Variants in TPM4 observed in about 807,000 individuals in gnomAD.
TPM4 encodes tropomyosin 4, also known as tropomyosin alpha-4 chain.
TPM4 carries 17 observed loss-of-function variants against 35.8 expected under a neutral mutation model. The observed-to-expected ratio is 0.47, with a 90% CI of 0.32 to 0.71. TPM4 has a LOEUF of 0.71. Ranked by LOEUF, TPM4 falls within the 30% of genes least tolerant of loss-of-function variation. The pLI is 0.03. For missense variants in TPM4, 240 were observed against 320.9 expected (o/e 0.75, Z 1.93); for synonymous variants, 120 against 122.9 (o/e 0.98, Z 0.15).
At position 16,081,397 on chromosome 19, in the gene TPM4, C is replaced by CT. The variant is rs374854830; in HGVS notation, c.133-499dup. ...TACCCATCTTGTACTGGGACACTCG[C>CT]TTTTTTTTTTTTTTTTTGAGACGGA... is the stretch of plus-strand genomic sequence containing the variant. On this transcript the variant is annotated intron_variant, in intron 1 of 7. Transcript: ENST00000643579. 1,301 of 136,448 alleles carry CT rather than the reference C, an allele frequency of 9.5e-3. 26 individuals are homozygous for CT. The highest frequency in any genetic ancestry group is 0.03 in the Middle Eastern group (8 of 270). 8.5% of individuals were successfully genotyped at this position (136,448 alleles called of 1,614,324 possible).
intron 5 of TPM4, among the ~76,000 whole-genome samples, chr19:16,091,775 T>C (rs1289487553): frequency 6.6e-6 from 1 of 151,998 alleles, no homozygotes; most frequent in Non-Finnish European, 1.5e-5. Context: ...ACTTGATCAC[T>C]TAATAGCCAT....
intron 5 of TPM4, 114 bp downstream of exon 5, chr19:16,089,234 C>A: frequency 1.4e-6 from 2 of 1,379,474 alleles, no homozygotes; most frequent in Non-Finnish European, 1.0e-6. Context: ...TTAACAGTAG[C>A]GTTGGTGCCT....
At position 16,082,241 on chromosome 19, in the gene TPM4, G is replaced by T. The variant is rs112237144; in HGVS notation, c.266+195G>T. Among the ~76,000 whole-genome samples the T allele has an allele frequency of 9.9e-3, 1,502 of 152,336 alleles. 32 individuals are homozygous for T. The highest frequency in any genetic ancestry group is 0.034 in the African/African-American group (1,403 of 41,584). On this transcript the variant is annotated intron_variant, in intron 2 of 7. Transcript: ENST00000643579. Reference sequence around the variant, plus strand: ...TGTTTATCCGTGGCCAGGCACGGTGGCTCATGCCTGTAATCCCAGCACTTT... The same window carrying T: ...TGTTTATCCGTGGCCAGGCACGGTGTCTCATGCCTGTAATCCCAGCACTTT...
At chr19:16,096,936 CTTT>C (rs71178641) in intron 7 of TPM4, among the ~76,000 whole-genome samples, 78 of 68,992 alleles carry the variant, frequency 1.1e-3, no homozygotes, top group Middle Eastern at 9.8e-3. Flanking sequence ...CAAGGTCACT[CTTT>C]TTTTTTTTTT....
At chr19:16,076,982 C>G in intron 1 of TPM4, 1 of 447,398 alleles carries the variant, frequency 2.2e-6, no homozygotes, top group Non-Finnish European at 3.3e-6. Context: ...GGTGAGCGAT[C>G]TCCGGGTGGA....
At chr19:16,076,007 C>CA, upstream of TPM4, 1 of 1,539,996 alleles carries the variant, frequency 6.5e-7, no homozygotes, top group Non-Finnish European at 8.8e-7. Flanking sequence ...GACGTGACCC[C>CA]CCCCCCAGGC....
At chr19:16,079,238 C>T (rs1295054298) in intron 1 of TPM4, among the ~76,000 whole-genome samples, 3 of 152,184 alleles carry the variant, frequency 2.0e-5, no homozygotes, top group Non-Finnish European at 2.9e-5. Flanking sequence ...ATGAATCAAG[C>T]ACCTCTGTTT....
upstream of TPM4, chr19:16,076,483 C>G (rs909070305): frequency 3.0e-6 from 4 of 1,327,906 alleles, no homozygotes; most frequent in Admixed American, 4.2e-5. Flanking sequence ...CTTGGGGGGC[C>G]GGGGCGCGGC....
chr19:16,093,797 CT>C (rs756251189), intron 7 of TPM4, 44 bp downstream of exon 7: 2 of 1,604,116 alleles, frequency 1.2e-6, no homozygotes, highest in Non-Finnish European at 8.5e-7. Flanking sequence ...CTGCCTTCCC[CT>C]CTGGGACACA....
chr19:16,096,635 C>T (rs1599384388), intron 7 of TPM4, among the ~76,000 whole-genome samples: 1 of 152,126 alleles, frequency 6.6e-6, no homozygotes, highest in East Asian at 1.9e-4. Flanking sequence ...CACTGTTCAT[C>T]CAGCTCCCAG....
intron 5 of TPM4, among the ~76,000 whole-genome samples, chr19:16,090,598 G>C (rs1042560627): frequency 1.3e-5 from 2 of 152,142 alleles, no homozygotes; most frequent in Non-Finnish European, 2.9e-5. Flanking sequence ...ACTTCTGAGA[G>C]TCCTTCTCTG....
chr19:16,076,447 G>C (rs2144917288), upstream of TPM4: 1 of 1,340,190 alleles, frequency 7.5e-7, no homozygotes, highest in South Asian at 1.9e-5. Context: ...GGGGAGAGGC[G>C]GGGGCGGCCC....
intron 1 of TPM4, chr19:16,078,101 A>C: frequency 2.5e-6 from 1 of 398,568 alleles, no homozygotes. Context: ...CCCTGGGAAG[A>C]GCTCATAGAC....
At chr19:16,088,472 G>T in intron 4 of TPM4, 1 of 1,076,734 alleles carries the variant, frequency 9.3e-7, no homozygotes, top group Non-Finnish European at 1.1e-6. Context: ...AAATGCTTTT[G>T]CTCCTGTCAG....
At chr19:16,081,724 GT>G in intron 1 of TPM4, 188 bp from the exon 2 acceptor site, 1 of 682,310 alleles carries the variant, frequency 1.5e-6, no homozygotes, top group Non-Finnish European at 2.2e-6. Context: ...AGTGGTAGAT[GT>G]TTTTCCCAGA....
chr19:16,084,107 T>G (rs2090519612), intron 2 of TPM4, among the ~76,000 whole-genome samples: 1 of 152,178 alleles, frequency 6.6e-6, no homozygotes, highest in Non-Finnish European at 1.5e-5. Context: ...TTTTGTATTT[T>G]TAGTAGAGAC....
intron 2 of TPM4, among the ~76,000 whole-genome samples, 163 bp from the exon 3 acceptor site, chr19:16,086,260 G>A (rs1187791644): frequency 1.3e-5 from 2 of 151,810 alleles, no homozygotes; most frequent in Non-Finnish European, 2.9e-5. Flanking sequence ...TGAGGCAGGA[G>A]AATCGCTTGA....
intron 2 of TPM4, among the ~76,000 whole-genome samples, chr19:16,083,757 CT>C (rs573965261): frequency 1.4e-3 from 167 of 120,638 alleles, no homozygotes; most frequent in African/African-American, 2.4e-3. Context: ...AGATTCATTT[CT>C]TTTTTTTTTT....
At position 16,067,753 on chromosome 19, in the gene TPM4, G is replaced by C; in HGVS notation, c.114+15G>C. 6.2e-7 allele frequency: 1 copy of C among 1,608,070 alleles called. No homozygotes were observed. Among genetic ancestry groups the C allele is most frequent in the Non-Finnish European group, 8.5e-7 (1 of 1,178,160 alleles). ...AGTGCAAGCAGGTGAGGTGCCCTCC[G>C]CTGGGCCGCTCCGGGCTGCTGGGAG... On this transcript the variant is annotated intron_variant, in intron 2 of 2. Coordinates refer to the TPM4 transcript ENST00000589897. The surrounding 1 kb of genome is among the most constrained non-coding windows in gnomAD (Gnocchi z 4.1).
Sources: allele counts gnomAD v4.1 joint callset (sites outside exome capture counted in the v4.1 genomes callset), GRCh38; gene constraint gnomAD v4.1.1; non-coding constraint Gnocchi (gnomAD v3.1); transcripts MANE v1.5; gene names NCBI Gene and HGNC (gene_info 2026-07-23, HGNC 2026-07-21).